TPTE2: variants seen among roughly 807,000 people sequenced by gnomAD.
The protein encoded by TPTE2 is phosphatidylinositol 3,4,5-trisphosphate 3-phosphatase TPTE2.
A neutral mutation model predicts 78.6 loss-of-function variants in TPTE2; 53 were observed. The ratio of observed to expected loss-of-function variants is 0.67; its 90% CI spans 0.54 to 0.85. TPTE2 has a LOEUF of 0.85. Among genes scored for constraint, TPTE2 ranks in the 40% least tolerant of loss-of-function variants. The pLI is 0.00. For missense variants in TPTE2, 461 were observed against 623.0 expected (o/e 0.74, Z 2.77); for synonymous variants, 175 against 206.2 (o/e 0.85, Z 1.30).
At chr13:19,505,951 A>T (rs1460448733), upstream of TPTE2, 1 of 151,706 alleles carries the variant, frequency 6.6e-6, no homozygotes, top group Non-Finnish European at 1.5e-5. Flanking sequence ...GAAAAAAAAA[A>T]ATAGAAGGTT....
chr13:19,463,508 A>C (rs989461630), intron 10 of TPTE2, among the ~76,000 whole-genome samples: 1 of 152,116 alleles, frequency 6.6e-6, no homozygotes, highest in Non-Finnish European at 1.5e-5. Flanking sequence ...AGGGTCTGTT[A>C]ATGGGGAATT....
At chr13:19,458,660 G>A in intron 10 of TPTE2, 1 of 496,344 alleles carries the variant, frequency 2.0e-6, no homozygotes, top group South Asian at 1.5e-5. Context: ...CTTTTCCACG[G>A]TGTGGCACTG....
chr13:19,545,115 G>C, the TPTE2 span, among the ~76,000 whole-genome samples: 12 of 152,240 alleles, frequency 7.9e-5, no homozygotes, highest in East Asian at 2.3e-3. Context: ...GAACAGACAA[G>C]AGATGGGAGT....
chr13:19,444,607 A>G (rs945131548), intron 13 of TPTE2, among the ~76,000 whole-genome samples: 5 of 152,136 alleles, frequency 3.3e-5, no homozygotes, highest in African/African-American at 1.2e-4. Flanking sequence ...GGATGAGTCA[A>G]TATTGTAAAG....
intron 3 of TPTE2, among the ~76,000 whole-genome samples, chr13:19,483,353 G>C (rs1323161567): frequency 6.6e-6 from 1 of 152,040 alleles, no homozygotes; most frequent in Non-Finnish European, 1.5e-5. Context: ...GGTTTGTTCA[G>C]GTTTTCTATT....
Position 19,477,260 on chromosome 13 carries a change from T to G in TPTE2, c.180-1637A>C, listed in dbSNP as rs536346407. ...GGAGCAGAAAAGATAACTATTTGAG[T>G]ACTGAGTTTAATACCTGGATGATGA... On this transcript the variant is annotated intron_variant, in intron 4 of 19. Coordinates refer to ENST00000400230, the Ensembl canonical transcript of TPTE2. Among the ~76,000 whole-genome samples, 348 of 150,930 alleles carry G rather than the reference T, an allele frequency of 2.3e-3. 1 individual carries two copies. The highest frequency in any genetic ancestry group is 7.9e-3 in the African/African-American group (326 of 41,114).
chr13:19,475,688 A>G (rs867711608), intron 4 of TPTE2, 65 bp from the exon 8 acceptor site: 3 of 1,511,132 alleles, frequency 2.0e-6, no homozygotes, highest in Middle Eastern at 2.4e-4. Context: ...TAACCAAAAA[A>G]CAAAGGCCTT....
chr13:19,527,739 A>G lies in TPTE2; in HGVS notation c.-44+8857T>C, dbSNP rs577667406. 3.2e-4 allele frequency among the ~76,000 whole-genome samples: 48 copies of G among 152,188 alleles called. 1 individual carries two copies. The highest frequency in any genetic ancestry group is 9.2e-4 in the Admixed American group (14 of 15,288). ...AAAAATTAGGCAGGTGTGGTGGTGCACCCCTGTGGTCCCAGCTACTGGCTA... is the reference window on the plus strand; with the variant it reads ...AAAAATTAGGCAGGTGTGGTGGTGCGCCCCTGTGGTCCCAGCTACTGGCTA... On this transcript the variant is annotated intron_variant, in intron 1 of 17. Coordinates refer to the TPTE2 transcript ENST00000390680.
chr13:19,557,309 A>G, the TPTE2 span, among the ~76,000 whole-genome samples: 1 of 152,206 alleles, frequency 6.6e-6, no homozygotes, highest in Non-Finnish European at 1.5e-5. Context: ...CTGTAGTGTG[A>G]TGTGTCCCCT....
chr13:19,487,925 CT>C (rs1342589396), intron 3 of TPTE2, among the ~76,000 whole-genome samples: 1 of 152,196 alleles, frequency 6.6e-6, no homozygotes, highest in South Asian at 2.1e-4. Context: ...TGAGATTCTC[CT>C]GTTGTAAAGA....
At chr13:19,507,052 A>C (rs1869103250), upstream of TPTE2, among the ~76,000 whole-genome samples, 1 of 152,170 alleles carries the variant, frequency 6.6e-6, no homozygotes, top group South Asian at 2.1e-4. Context: ...AAGAAAGTCT[A>C]TATTTAACAT....
In TPTE2 at chr13:19,432,458, A is replaced by C; in HGVS notation, c.1222+15T>G. The C allele has an allele frequency of 6.7e-7, 1 of 1,484,490 alleles. No homozygotes were observed. Among genetic ancestry groups the C allele is most frequent in the Non-Finnish European group, 9.1e-7 (1 of 1,099,824 alleles). 92.0% of individuals were successfully genotyped at this position (1,484,490 alleles called of 1,614,324 possible). ...CCCTCCTGCCCAATTCTTCAATTAC[A>C]CATAAAGCACTTACCACGAATCGAA... On this transcript the variant is annotated intron_variant, in intron 16 of 19. Transcript: ENST00000400230.
chr13:19,426,343 G>T (rs1028823793), intron 18 of TPTE2, 82 bp downstream of exon 21: 27 of 1,005,790 alleles, frequency 2.7e-5, no homozygotes, highest in African/African-American at 2.2e-4. Context: ...CTCCCTTGTT[G>T]GGAATTGTAG....
chr13:19,490,879 C>G (rs1880950029), intron 3 of TPTE2, among the ~76,000 whole-genome samples: 1 of 152,178 alleles, frequency 6.6e-6, no homozygotes, highest in Non-Finnish European at 1.5e-5. Flanking sequence ...TCTTTTGGCT[C>G]ACTCTAGTAG....
chr13:19,509,094 T>C (rs887781381), intron 1 of TPTE2, among the ~76,000 whole-genome samples: 4 of 152,148 alleles, frequency 2.6e-5, no homozygotes, highest in African/African-American at 7.2e-5. Flanking sequence ...AAGAACTGAT[T>C]GATAATAACA....
the TPTE2 span, chr13:19,561,015 A>T: frequency 7.6e-6 from 12 of 1,577,418 alleles, no homozygotes; most frequent in South Asian, 1.4e-4. Flanking sequence ...ACGTCCCCAC[A>T]GACCAGGCAG....
At chr13:19,529,619 T>C (rs560583223) in intron 1 of TPTE2, among the ~76,000 whole-genome samples, 2 of 152,308 alleles carry the variant, frequency 1.3e-5, no homozygotes, top group Admixed American at 6.5e-5. Context: ...GTGGCATACC[T>C]GACTCCCTTC....
intron 4 of TPTE2, among the ~76,000 whole-genome samples, chr13:19,479,843 G>A (rs574439487): frequency 2.6e-5 from 4 of 151,782 alleles, no homozygotes; most frequent in South Asian, 4.2e-4. Context: ...CGTGACTGTA[G>A]TCCCAGCTAC....
At chr13:19,495,850 TTTTGTTGTTGTTG>T (rs896230094) in intron 1 of TPTE2, among the ~76,000 whole-genome samples, 1 of 152,154 alleles carries the variant, frequency 6.6e-6, no homozygotes, top group African/African-American at 2.4e-5. Context: ...GTTTTGTTTT[TTTTGTTGTTGTTG>T]TTTGTTGCTG....
Sources: allele counts gnomAD v4.1 joint callset (sites outside exome capture counted in the v4.1 genomes callset), GRCh38; gene constraint gnomAD v4.1.1; transcripts MANE v1.5; gene names NCBI Gene and HGNC (gene_info 2026-07-23, HGNC 2026-07-21).